The following CNTN4 variants were observed in gnomAD, a reference collection of about 807,000 sequenced individuals.
The protein encoded by CNTN4 is contactin 4.
Under a neutral mutation model 122.5 loss-of-function variants are expected in CNTN4, and 77 were observed. That is an observed-to-expected ratio of 0.63 (90% CI 0.52 to 0.76). The LOEUF is 0.76. CNTN4 is among the 30% of genes least tolerant of loss of function. CNTN4 has a pLI of 0.00. For missense variants in CNTN4, 1,256 were observed against 1,259.1 expected (o/e 1.00, Z 0.04); for synonymous variants, 512 against 447.0 (o/e 1.15, Z -1.83).
chr3:2,449,696 G>A (rs933871707), intron 3 of CNTN4, among the ~76,000 whole-genome samples: 3 of 151,932 alleles, frequency 2.0e-5, no homozygotes, highest in African/African-American at 7.3e-5. Flanking sequence ...TCCAGAAGTG[G>A]TATTGCTGGA....
At chr3:2,622,531 C>G (rs2149944259) in intron 4 of CNTN4, among the ~76,000 whole-genome samples, 1 of 152,136 alleles carries the variant, frequency 6.6e-6, no homozygotes, top group South Asian at 2.1e-4. Flanking sequence ...ACCTCGGCCT[C>G]CCAGAGCTTG....
intron 3 of CNTN4, among the ~76,000 whole-genome samples, chr3:2,343,996 A>G (rs1248390913): frequency 6.6e-6 from 1 of 152,096 alleles, no homozygotes; most frequent in Admixed American, 6.5e-5. Context: ...CTCTTTTAAA[A>G]ACAAACAGCT....
In CNTN4 at chr3:2,296,798, A is replaced by C. The variant is rs944366823; in HGVS notation, c.-144-42380A>C. Among the ~76,000 whole-genome samples, 397 of 90,646 alleles carry C rather than the reference A, an allele frequency of 4.4e-3. 2 individuals carry two copies. The highest frequency in any genetic ancestry group is 0.017 in the African/African-American group (383 of 22,774). 59.5% of individuals were successfully genotyped at this position (90,646 alleles called of 152,430 possible). A position where few individuals can be genotyped will look rare whatever the true frequency, so the allele number is the denominator to read the frequency against. ...TATCACCCTTTGCTCTGAAAAAAAAAAACAACAAAAAACTATAATTCCAAT... is the reference window on the plus strand; with the variant it reads ...TATCACCCTTTGCTCTGAAAAAAAACAACAACAAAAAACTATAATTCCAAT... On this transcript the variant is annotated intron_variant, in intron 2 of 24. Transcript: ENST00000418658.
chr3:2,943,858 G>A (rs777934389), intron 13 of CNTN4, among the ~76,000 whole-genome samples: 26 of 151,336 alleles, frequency 1.7e-4, no homozygotes, highest in Admixed American at 1.3e-3. Flanking sequence ...TCCTGACCTC[G>A]TGATCCACCC....
chr3:2,727,300 T>C (rs1559435062), intron 4 of CNTN4, among the ~76,000 whole-genome samples: 1 of 152,236 alleles, frequency 6.6e-6, no homozygotes, highest in Non-Finnish European at 1.5e-5. Flanking sequence ...GCATTTCTAA[T>C]TCTGCAGCAA....
Position 2,372,790 on chromosome 3 carries a change from C to G in CNTN4, c.-89+33557C>G, listed in dbSNP as rs144944066. On this transcript the variant is annotated intron_variant, in intron 3 of 24. Coordinates refer to ENST00000418658, the MANE Select transcript of CNTN4 (RefSeq NM_175607.3). Reference sequence around the variant, plus strand: ...CTTAGGCCAGGTGTGGTGGCTCACACCTATAATTTCGGCACTTTGGGAGGC... The same window carrying G: ...CTTAGGCCAGGTGTGGTGGCTCACAGCTATAATTTCGGCACTTTGGGAGGC... 2.8e-3 allele frequency among the ~76,000 whole-genome samples: 425 copies of G among 151,662 alleles called. 2 individuals are homozygous for G. Among genetic ancestry groups the G allele is most frequent in the Middle Eastern group, 0.01 (3 of 294 alleles).
intron 9 of CNTN4, among the ~76,000 whole-genome samples, chr3:2,884,677 G>C (rs1042536781): frequency 6.6e-6 from 1 of 152,140 alleles, no homozygotes; most frequent in African/African-American, 2.4e-5. Flanking sequence ...ATGAGAGCAG[G>C]TAACTGGGTA....
intron 12 of CNTN4, among the ~76,000 whole-genome samples, chr3:2,923,304 C>A (rs2094445367): frequency 6.7e-6 from 1 of 148,706 alleles, no homozygotes; most frequent in Admixed American, 6.8e-5. Context: ...AAAAAAACTT[C>A]AAGAATACCT....
intron 2 of CNTN4, among the ~76,000 whole-genome samples, chr3:2,243,677 G>C (rs1225942248): frequency 6.6e-6 from 1 of 152,046 alleles, no homozygotes; most frequent in African/African-American, 2.4e-5. Flanking sequence ...GAATAGTGTA[G>C]TTCACTATGG....
intron 4 of CNTN4, among the ~76,000 whole-genome samples, chr3:2,705,851 A>C (rs2086683704): frequency 2.1e-5 from 2 of 95,114 alleles, no homozygotes; most frequent in South Asian, 6.5e-4. Context: ...ATAATATATA[A>C]TATATGTGTT....
intron 2 of CNTN4, among the ~76,000 whole-genome samples, chr3:2,196,785 C>T (rs1379846654): frequency 6.6e-6 from 1 of 151,896 alleles, no homozygotes; most frequent in Non-Finnish European, 1.5e-5. Context: ...TGGCTCGCTC[C>T]TGTAATCCCA....
chr3:2,782,914 C>T (rs1453110276), intron 6 of CNTN4, among the ~76,000 whole-genome samples: 1 of 152,114 alleles, frequency 6.6e-6, no homozygotes, highest in Non-Finnish European at 1.5e-5. Flanking sequence ...TCTTGGGTCT[C>T]CTGGCCTGAT....
chr3:2,483,359 G>A (rs182510570), intron 3 of CNTN4, among the ~76,000 whole-genome samples: 243 of 152,200 alleles, frequency 1.6e-3, no homozygotes, highest in African/African-American at 5.7e-3. Flanking sequence ...ACTTGCTTTC[G>A]ATTTTACCAC....
At position 2,125,332 on chromosome 3, in the gene CNTN4, G is replaced by C. The variant is rs201954729; in HGVS notation, c.-145+24693G>C. ...AAGGCTGAGTAACATTCTATTCTCTGTGTGTGTGTGTGTGTGTGTGTGTGT... is the reference window on the plus strand; with the variant it reads ...AAGGCTGAGTAACATTCTATTCTCTCTGTGTGTGTGTGTGTGTGTGTGTGT... On this transcript the variant is annotated intron_variant, in intron 2 of 24. Transcript: ENST00000418658. Among the ~76,000 whole-genome samples the C allele has an allele frequency of 7.6e-3, 530 of 69,694 alleles. 3 individuals are homozygous for C. The highest frequency in any genetic ancestry group is 0.026 in the African/African-American group (498 of 18,906). 45.7% of individuals were successfully genotyped at this position (69,694 alleles called of 152,430 possible).
chr3:2,406,129 A>G (rs2320548), intron 3 of CNTN4, among the ~76,000 whole-genome samples: 81,855 of 151,980 alleles, frequency 0.54, 22,823 homozygotes, highest in Middle Eastern at 0.62. Flanking sequence ...GAAAGTTCAA[A>G]AAAAACATTT....
intron 18 of CNTN4, 109 bp from the exon 19 acceptor site, chr3:3,038,824 G>A (rs970398128): frequency 8.8e-6 from 7 of 799,590 alleles, no homozygotes; most frequent in Non-Finnish European, 1.5e-5. Flanking sequence ...AGACAAAGGG[G>A]CGTGCCTCAG....
chr3:3,030,415 G>A (rs1007100884), intron 15 of CNTN4, among the ~76,000 whole-genome samples: 1 of 152,156 alleles, frequency 6.6e-6, no homozygotes, highest in Non-Finnish European at 1.5e-5. Context: ...CTAAGAAAGG[G>A]TTGAGCAATA....
intron 4 of CNTN4, among the ~76,000 whole-genome samples, chr3:2,700,156 A>G (rs1334888965): frequency 6.6e-6 from 1 of 152,212 alleles, no homozygotes; most frequent in African/African-American, 2.4e-5. Context: ...CTGGAAATTT[A>G]GCACACATGT....
chr3:3,030,280 A>G (rs1228608909), intron 15 of CNTN4, among the ~76,000 whole-genome samples: 3 of 152,148 alleles, frequency 2.0e-5, no homozygotes, highest in Admixed American at 1.3e-4. Context: ...CTGCTAATCA[A>G]ACATGCATTT....
Sources: allele counts gnomAD v4.1 joint callset (sites outside exome capture counted in the v4.1 genomes callset), GRCh38; gene constraint gnomAD v4.1.1; transcripts MANE v1.5; gene names NCBI Gene and HGNC (gene_info 2026-07-23, HGNC 2026-07-21).